The following NRG1 variants were observed in gnomAD, a reference collection of about 807,000 sequenced individuals.
The protein encoded by NRG1 is neuregulin 1.
In NRG1, 18 loss-of-function variants were observed where a neutral mutation model predicts 63.8. The observed-to-expected ratio is 0.28, with a 90% CI of 0.19 to 0.42. The LOEUF (loss-of-function observed/expected upper bound fraction) is 0.42. NRG1 is among the 10% of genes least tolerant of loss of function. NRG1 has a pLI of 1.00. For missense variants in NRG1, 762 were observed against 814.7 expected (o/e 0.94, Z 0.79); for synonymous variants, 302 against 301.3 (o/e 1.00, Z -0.02).
chr8:31,964,727 C>T (rs1296841038), intron 1 of NRG1, among the ~76,000 whole-genome samples: 1 of 152,084 alleles, frequency 6.6e-6, no homozygotes, highest in African/African-American at 2.4e-5. Context: ...TGCTTTTGGG[C>T]CAGCCTAATA....
chr8:31,640,145 C>A lies in NRG1; in HGVS notation c.37+714C>A. ...CCGGGGGCGGCGGCCGGCAACGAGG[C>A]GGCTCCCGCGGGGGCCTCGGTGTGC... is the stretch of plus-strand genomic sequence containing the variant. On this transcript the variant is annotated intron_variant, in intron 1 of 10. Transcript: ENST00000519301. This position sits in a 1 kb window ranked among gnomAD's most constrained non-coding sequence, Gnocchi z 6.3. 1 of 1,170,260 alleles carries A rather than the reference C, an allele frequency of 8.5e-7. No individual in the cohort carries two copies. The highest frequency in any genetic ancestry group is 1.1e-6 in the Non-Finnish European group (1 of 948,494). The allele number at this position is 1,170,260 out of a possible 1,614,324, so 72.5% of individuals were successfully genotyped here.
intron 1 of NRG1, among the ~76,000 whole-genome samples, chr8:32,452,370 G>A (rs947616103): frequency 1.3e-5 from 2 of 152,018 alleles, no homozygotes; most frequent in Non-Finnish European, 1.5e-5. Flanking sequence ...TGACATTTGA[G>A]TTGGGCCTTA....
intron 1 of NRG1, among the ~76,000 whole-genome samples, chr8:31,815,683 A>G (rs145957658): frequency 0.013 from 2,037 of 152,296 alleles, 48 homozygotes; most frequent in African/African-American, 0.046. Context: ...TTTCCACAGC[A>G]TCTGTACCAT....
At chr8:32,368,869 A>G (rs112102435) in intron 1 of NRG1, among the ~76,000 whole-genome samples, 2,305 of 152,318 alleles carry the variant, frequency 0.015, 58 homozygotes, top group African/African-American at 0.053. Flanking sequence ...TGAAAGTGAA[A>G]ATTTAAATCA....
At chr8:32,757,737 T>G (rs752553105) in intron 9 of NRG1, among the ~76,000 whole-genome samples, 2 of 152,208 alleles carry the variant, frequency 1.3e-5, no homozygotes, top group Non-Finnish European at 2.9e-5. Flanking sequence ...GGGCTTTAAC[T>G]TTTCTCAACC....
chr8:31,895,879 T>C (rs1265682049), intron 1 of NRG1, among the ~76,000 whole-genome samples: 1 of 152,182 alleles, frequency 6.6e-6, no homozygotes, highest in African/African-American at 2.4e-5. Flanking sequence ...AATACCCCTT[T>C]GATATATTTA....
intron 1 of NRG1, among the ~76,000 whole-genome samples, chr8:31,745,392 G>A (rs1815746831): frequency 6.6e-6 from 1 of 151,922 alleles, no homozygotes; most frequent in African/African-American, 2.4e-5. Context: ...GTAAAACTCG[G>A]TGGTTCAGAT....
chr8:31,746,650 C>T (rs1234952472), intron 1 of NRG1, among the ~76,000 whole-genome samples: 1 of 152,000 alleles, frequency 6.6e-6, no homozygotes, highest in African/African-American at 2.4e-5. Context: ...AGCAATCTCA[C>T]TGCTGGGTAT....
At chr8:32,766,890 C>T (rs1488426398) in exon 12 of NRG1, 1 of 152,128 alleles carries the variant, frequency 6.6e-6, no homozygotes, top group African/African-American at 2.4e-5. Flanking sequence ...TGTCACATCA[C>T]TCTTGACCAC....
At chr8:32,170,711 C>T (rs575325454) in intron 1 of NRG1, among the ~76,000 whole-genome samples, 1 of 152,162 alleles carries the variant, frequency 6.6e-6, no homozygotes, top group Non-Finnish European at 1.5e-5. Flanking sequence ...GATGGCCAAA[C>T]AAAGAAGGTT....
intron 1 of NRG1, among the ~76,000 whole-genome samples, chr8:31,832,255 T>G (rs1037614194): frequency 6.6e-6 from 1 of 151,522 alleles, no homozygotes; most frequent in African/African-American, 2.4e-5. Flanking sequence ...TCTAGTTTTT[T>G]TTTTTTTTTT....
intron 1 of NRG1, among the ~76,000 whole-genome samples, chr8:32,445,222 G>C (rs1043988727): frequency 6.6e-6 from 1 of 152,126 alleles, no homozygotes; most frequent in Non-Finnish European, 1.5e-5. Flanking sequence ...ATCATCTCTA[G>C]ATTACTTATA....
intron 1 of NRG1, among the ~76,000 whole-genome samples, chr8:31,989,990 T>C (rs1198943274): frequency 3.3e-5 from 5 of 152,120 alleles, no homozygotes; most frequent in African/African-American, 1.2e-4. Context: ...GCAAATATAG[T>C]CAGATTAGGC....
At position 31,924,857 on chromosome 8, in the gene NRG1, C is replaced by T. The variant is rs549967251; in HGVS notation, c.37+285426C>T. On this transcript the variant is annotated intron_variant, in intron 1 of 10. Coordinates refer to the NRG1 transcript ENST00000519301. Reference sequence around the variant, plus strand: ...CATTCATTGTAATTTTTCTTTAATCCAGGGGTTATTTAAAAAATATGTTGC... The same window carrying T: ...CATTCATTGTAATTTTTCTTTAATCTAGGGGTTATTTAAAAAATATGTTGC... 4.0e-5 allele frequency among the ~76,000 whole-genome samples: 6 copies of T among 150,500 alleles called. No homozygotes were observed. In the South Asian group the frequency reaches 1.3e-3, roughly 31 times the overall value.
At chr8:32,354,104 C>T (rs1481490094) in intron 1 of NRG1, among the ~76,000 whole-genome samples, 2 of 152,166 alleles carry the variant, frequency 1.3e-5, no homozygotes, top group African/African-American at 2.4e-5. Context: ...TGTAGTGGCT[C>T]ATGCCTGTAA....
chr8:31,964,761 T>C (rs956614613), intron 1 of NRG1, among the ~76,000 whole-genome samples: 1 of 152,198 alleles, frequency 6.6e-6, no homozygotes, highest in Non-Finnish European at 1.5e-5. Context: ...GAGAATTTTA[T>C]TCCCTGCAAG....
At chr8:32,723,544 G>A (rs1258874798) in intron 5 of NRG1, among the ~76,000 whole-genome samples, 1 of 151,692 alleles carries the variant, frequency 6.6e-6, no homozygotes, top group Admixed American at 6.6e-5. Context: ...AAATTAGCCG[G>A]GTGTGGTGGC....
At chr8:32,559,086 A>G (rs1835793544) in intron 1 of NRG1, among the ~76,000 whole-genome samples, 1 of 54,382 alleles carries the variant, frequency 1.8e-5, no homozygotes, top group Non-Finnish European at 4.8e-5. Context: ...TCTCAGCGAA[A>G]AAAAAAAAAA....
rs1817878691 is a variant in NRG1, at chr8:32,029,019, T to TA, written c.37+389589dup. Among the ~76,000 whole-genome samples the TA allele has an allele frequency of 2.0e-5, 3 of 152,296 alleles. No individual in the cohort carries two copies. In the East Asian group the frequency reaches 5.8e-4, roughly 29 times the overall value. ...TGAAAGTGGCATTCATCTCTATGGG[T>TA]AGTCATTTTAACAAGGTTTTTGTTA... On this transcript the variant is annotated intron_variant, in intron 1 of 10. Transcript: ENST00000519301.
Sources: gnomAD v4.1 joint callset for allele counts (sites outside exome capture counted in the v4.1 genomes callset) on GRCh38, gnomAD v4.1.1 for gene constraint, Gnocchi (gnomAD v3.1) non-coding constraint, MANE v1.5 for transcripts, NCBI Gene and HGNC (gene_info 2026-07-23, HGNC 2026-07-21) for gene names.